The following INPP5B variants were observed in gnomAD, a reference collection of about 807,000 sequenced individuals.
The protein encoded by INPP5B is type II inositol 1,4,5-trisphosphate 5-phosphatase.
A neutral mutation model predicts 118.5 loss-of-function variants in INPP5B; 90 were observed. The observed-to-expected ratio is 0.76, with a 90% CI of 0.64 to 0.90. INPP5B has a LOEUF of 0.90. Ranked by LOEUF, INPP5B falls within the 40% of genes least tolerant of loss-of-function variation. INPP5B has a pLI of 0.00. For synonymous variants in INPP5B, 385 were observed against 418.9 expected (o/e 0.92, Z 0.99); for missense variants, 984 against 1,125.6 (o/e 0.87, Z 1.80).
chr1:37,940,848 C>G (rs1374474991), intron 5 of INPP5B, 50 bp from the exon 6 acceptor site: 1 of 1,289,460 alleles, frequency 7.8e-7, no homozygotes, highest in East Asian at 2.3e-5. Context: ...GAGCTAAGTG[C>G]TTGATGCAGC....
At chr1:37,876,625 C>T (rs1352231306) in intron 16 of INPP5B, among the ~76,000 whole-genome samples, 2 of 140,154 alleles carry the variant, frequency 1.4e-5, no homozygotes, top group East Asian at 2.1e-4. Context: ...TTTGGGATGC[C>T]GAGGTGGGCA....
intron 7 of INPP5B, among the ~76,000 whole-genome samples, chr1:37,913,372 A>G (rs940591519): frequency 1.3e-5 from 2 of 152,124 alleles, no homozygotes; most frequent in Non-Finnish European, 2.9e-5. Flanking sequence ...TAGAGCCCCA[A>G]AACTCGCCAA....
rs371748839 is a variant in INPP5B, at chr1:37,898,980, G to A, written c.533-7526C>T. 2.2e-4 allele frequency among the ~76,000 whole-genome samples: 34 copies of A among 151,954 alleles called. 3 individuals are homozygous for A. Among genetic ancestry groups the A allele is most frequent in the East Asian group, 1.6e-3 (8 of 5,152 alleles). On this transcript the variant is annotated intron_variant, in intron 7 of 23. Transcript: ENST00000373024. The stretch of plus-strand genomic sequence containing the variant: ...GCGGATCCCCTGAGGTCGGGAGGTC[G>A]AGACTAACCTGACCAACATGGAGAA...
intron 7 of INPP5B, among the ~76,000 whole-genome samples, chr1:37,918,014 T>C (rs1644933824): frequency 6.6e-6 from 1 of 152,196 alleles, no homozygotes; most frequent in Non-Finnish European, 1.5e-5. Flanking sequence ...ACTCTTTCCC[T>C]GAGCTCTCCC....
intron 13 of INPP5B, chr1:37,883,590 A>G: frequency 1.0e-6 from 1 of 985,442 alleles, no homozygotes; most frequent in Non-Finnish European, 1.2e-6. Flanking sequence ...GAATCTGCAC[A>G]GCAGTACACG....
chr1:37,874,378 C>T (rs1270271312), intron 17 of INPP5B, among the ~76,000 whole-genome samples: 3 of 152,206 alleles, frequency 2.0e-5, no homozygotes, highest in Non-Finnish European at 4.4e-5. Flanking sequence ...TGTCTACTTC[C>T]TGAAGAAGTC....
intron 17 of INPP5B, 75 bp from the exon 18 acceptor site, chr1:37,874,230 G>T: frequency 9.0e-7 from 1 of 1,114,974 alleles, no homozygotes; most frequent in Non-Finnish European, 1.2e-6. Flanking sequence ...CAACTGGGCA[G>T]TCCTTACCAT....
chr1:37,938,388 A>G (rs1029567650), intron 6 of INPP5B, among the ~76,000 whole-genome samples: 2 of 152,222 alleles, frequency 1.3e-5, no homozygotes, highest in African/African-American at 4.8e-5. Flanking sequence ...TGCCTAACGC[A>G]TGCCAAATCA....
At chr1:37,941,734 C>T (rs1436088050) in intron 5 of INPP5B, among the ~76,000 whole-genome samples, 4 of 147,578 alleles carry the variant, frequency 2.7e-5, no homozygotes, top group South Asian at 2.2e-4. Flanking sequence ...GTCAGGAGAT[C>T]GAGACCATCC....
intron 7 of INPP5B, among the ~76,000 whole-genome samples, chr1:37,903,998 G>C (rs912469798): frequency 3.3e-5 from 5 of 152,162 alleles, no homozygotes; most frequent in African/African-American, 1.2e-4. Context: ...CATGCAAGGT[G>C]TGTAAAGAAA....
intron 9 of INPP5B, among the ~76,000 whole-genome samples, chr1:37,889,002 C>A (rs1263775556): frequency 4.6e-5 from 7 of 152,184 alleles, no homozygotes; most frequent in African/African-American, 1.4e-4. Flanking sequence ...CTTATAATCT[C>A]AACAATTTGG....
chr1:37,891,514 C>T (rs1570128436), intron 7 of INPP5B, 60 bp from the exon 8 acceptor site: 1 of 1,271,288 alleles, frequency 7.9e-7, no homozygotes, highest in Non-Finnish European at 1.1e-6. Flanking sequence ...GTGGCTCATG[C>T]CTGTAATCCC....
rs1360718985 is a variant in INPP5B at position 37,885,777 on chromosome 1, T to A, written c.1180A>T (p.Ile394Phe). 3 of 1,614,162 alleles carry A rather than the reference T, an allele frequency of 1.9e-6. No homozygotes were observed. Among genetic ancestry groups the A allele is most frequent in the South Asian group, 1.1e-5 (1 of 91,086 alleles). The change falls in exon 13 of 24, where the codon ATC (isoleucine) becomes TTC (phenylalanine). Residue 394 changes from isoleucine to phenylalanine, a missense_variant. Ile to Phe is a conservative substitution (Grantham distance 21). This residue lies in a region of INPP5B where 634 missense variants were observed against 791.0 expected (regional missense o/e 0.80). Coordinates refer to ENST00000373024, the MANE Select transcript of INPP5B (RefSeq NM_005540.3). ...AIRFQFHNTSICVVNSHLAAH... is the reference protein window; with the variant it reads ...AIRFQFHNTSFCVVNSHLAAH... Reference sequence around the variant, plus strand: ...GCCAAGTGAGAATTCACAACGCAGATGCTGGTGTTGTGGAACTGGAACCTG... The same window carrying A: ...GCCAAGTGAGAATTCACAACGCAGAAGCTGGTGTTGTGGAACTGGAACCTG...
intron 7 of INPP5B, among the ~76,000 whole-genome samples, chr1:37,913,938 CCTAA>C (rs1344362611): frequency 3.9e-5 from 6 of 152,182 alleles, no homozygotes; most frequent in Non-Finnish European, 7.4e-5. Context: ...CCTGCCCCAC[CCTAA>C]CTGATAGGAT....
intron 22 of INPP5B, 95 bp downstream of exon 22, chr1:37,865,666 T>A: frequency 7.2e-7 from 1 of 1,386,992 alleles, no homozygotes; most frequent in South Asian, 1.2e-5. Context: ...GTGTTCAGTT[T>A]CTGAGATGCT....
intron 7 of INPP5B, among the ~76,000 whole-genome samples, chr1:37,896,151 A>G (rs867772717): frequency 0.029 from 3,606 of 122,636 alleles, 27 homozygotes; most frequent in Non-Finnish European, 0.041. Flanking sequence ...TGTGGGGAGC[A>G]CCTCTGCCCT....
chr1:37,873,218 G>A, intron 18 of INPP5B, 53 bp from the exon 19 acceptor site: 1 of 1,283,270 alleles, frequency 7.8e-7, no homozygotes, highest in Non-Finnish European at 1.1e-6. Flanking sequence ...AAGAGGAAAG[G>A]GGAAAGAAGG....
At chr1:37,919,869 G>A (rs899483301) in intron 7 of INPP5B, among the ~76,000 whole-genome samples, 1 of 152,122 alleles carries the variant, frequency 6.6e-6, no homozygotes, top group Admixed American at 6.6e-5. Context: ...CTTGACCCAG[G>A]AGGCAGAGGT....
Position 37,935,927 on chromosome 1 carries a change from G to A in INPP5B, c.392-3874C>T, listed in dbSNP as rs180727018. 7.2e-5 allele frequency among the ~76,000 whole-genome samples: 11 copies of A among 152,094 alleles called. No homozygotes were observed. In the South Asian group the frequency reaches 1.0e-3, roughly 14 times the overall value. On this transcript the variant is annotated intron_variant, in intron 6 of 23. Coordinates refer to ENST00000373024, the MANE Select transcript of INPP5B (RefSeq NM_005540.3). ...TAAAAATACAAAAAATTAGCCAGGC[G>A]TGGTGGTGGGCACCTGTAGTCCCAG...
Sources: allele counts gnomAD v4.1 joint callset (sites outside exome capture counted in the v4.1 genomes callset), GRCh38; gene constraint gnomAD v4.1.1; regional missense constraint gnomAD v4.1.1; transcripts MANE v1.5; gene names NCBI Gene and HGNC (gene_info 2026-07-23, HGNC 2026-07-21).